Variants in COL23A1 observed in about 807,000 individuals in gnomAD.
The protein encoded by COL23A1 is collagen type XXIII alpha 1 chain, also known as collagen alpha-1(XXIII) chain.
Under a neutral mutation model 99.3 loss-of-function variants are expected in COL23A1, and 97 were observed. The observed-to-expected ratio is 0.98, with a 90% confidence interval of 0.83 to 1.16. COL23A1 has a LOEUF of 1.16. Ranked by LOEUF, COL23A1 falls within the 50% of genes most tolerant of loss-of-function variation. The probability of loss-of-function intolerance (pLI) is 0.00; values close to 1 mark genes in which losing one functional copy is unlikely to be tolerated. For synonymous variants in COL23A1, 320 were observed against 308.2 expected, an observed-to-expected ratio of 1.04 and a Z score of -0.40; for missense variants, 762 against 757.4, an observed-to-expected ratio of 1.01 and a Z score of -0.07.
At chr5:178,446,813 G>C (rs1253408773) in intron 2 of COL23A1, among the ~76,000 whole-genome samples, 1 of 152,142 alleles carries the variant, frequency 6.6e-6, no homozygotes, top group Non-Finnish European at 1.5e-5. Flanking sequence ...TGAAAAATTA[G>C]AAGCTAACCA....
chr5:178,317,620 T>C (rs576441175), intron 2 of COL23A1, among the ~76,000 whole-genome samples: 1 of 152,380 alleles, frequency 6.6e-6, no homozygotes, highest in East Asian at 1.9e-4. Context: ...GTTTTTCTTA[T>C]GTAAACATGG....
chr5:178,583,345 A>G (rs945437506), intron 1 of COL23A1, among the ~76,000 whole-genome samples: 2 of 152,114 alleles, frequency 1.3e-5, no homozygotes, highest in Admixed American at 6.5e-5. Flanking sequence ...TTCTCACCCT[A>G]TTCCTTGGAT....
At chr5:178,440,250 C>T (rs1766788316) in intron 2 of COL23A1, among the ~76,000 whole-genome samples, 1 of 152,200 alleles carries the variant, frequency 6.6e-6, no homozygotes, top group Admixed American at 6.5e-5. Context: ...ATGTGCTCCA[C>T]CATCTGCAGA....
intron 2 of COL23A1, among the ~76,000 whole-genome samples, chr5:178,524,098 C>A (rs1760173816): frequency 6.6e-6 from 1 of 152,304 alleles, no homozygotes; most frequent in African/African-American, 2.4e-5. Context: ...GAACCTGGGT[C>A]ACGCTAGCTT....
At chr5:178,371,088 G>A (rs557609662) in intron 2 of COL23A1, among the ~76,000 whole-genome samples, 2 of 152,274 alleles carry the variant, frequency 1.3e-5, no homozygotes, top group Admixed American at 6.5e-5. Flanking sequence ...TGAGGTTGAC[G>A]TCTCTCTCTG....
In COL23A1 at chr5:178,310,489, C is replaced by G. The variant is rs183148033; in HGVS notation, c.362-3570G>C. 6.6e-6 allele frequency among the ~76,000 whole-genome samples: 1 copy of G among 152,216 alleles called. No individual in the cohort carries two copies. The highest frequency in any genetic ancestry group is 1.5e-5 in the Non-Finnish European group (1 of 68,028). On this transcript the variant is annotated intron_variant, in intron 2 of 28. Transcript: ENST00000390654. This position sits in a 1 kb window ranked among gnomAD's most constrained non-coding sequence, Gnocchi z 4.3. ...GTCCTCTGAAGAAGGTGCTAGTGTT[C>G]CCTGCACAGATGAGAACTCTGGGGC...
chr5:178,486,022 C>T (rs1358517078), intron 2 of COL23A1, among the ~76,000 whole-genome samples: 1 of 152,136 alleles, frequency 6.6e-6, no homozygotes, highest in Non-Finnish European at 1.5e-5. Flanking sequence ...GACTTCTGCC[C>T]TCAACTGATG....
intron 1 of COL23A1, among the ~76,000 whole-genome samples, chr5:178,571,279 T>A (rs929599915): frequency 1.3e-5 from 2 of 151,962 alleles, no homozygotes; most frequent in African/African-American, 4.8e-5. Flanking sequence ...GGAGAATCGC[T>A]TGAACCCGGG....
Position 178,590,272 on chromosome 5 carries a change from C to A in COL23A1, c.-75G>T. The A allele has an allele frequency of 3.5e-6, 4 of 1,154,228 alleles. No homozygotes were observed. Among genetic ancestry groups the A allele is most frequent in the Non-Finnish European group, 4.3e-6 (4 of 932,924 alleles). The allele number at this position is 1,154,228 out of a possible 1,614,324, so 71.5% of individuals were successfully genotyped here. A position where few individuals can be genotyped will look rare whatever the true frequency, so the allele number is the denominator to read the frequency against. On this transcript the variant is annotated 5_prime_UTR_variant, in exon 1 of 29. Transcript: ENST00000390654. The surrounding 1 kb of genome is among the most constrained non-coding windows in gnomAD (Gnocchi z 5.7). ...AGAGGCTGGGTGCGAGAGGAGCAGG[C>A]GGGACAGCCCGAGGCACGAGGTCCG... is the stretch of plus-strand genomic sequence containing the variant.
chr5:178,581,537 G>A (rs1459132230), intron 1 of COL23A1, among the ~76,000 whole-genome samples: 3 of 149,608 alleles, frequency 2.0e-5, no homozygotes, highest in Admixed American at 6.7e-5. Context: ...CTGCACTCCA[G>A]CCTGGGCGAC....
chr5:178,278,668 G>A (rs1336553411), intron 5 of COL23A1, among the ~76,000 whole-genome samples: 2 of 151,600 alleles, frequency 1.3e-5, no homozygotes, highest in African/African-American at 4.8e-5. Flanking sequence ...CCTCCGCCAG[G>A]CCCCCTACCT....
Position 178,283,841 on chromosome 5 carries a change from T to C in COL23A1, c.441+4483A>G, listed in dbSNP as rs76599590. 6.5e-3 allele frequency among the ~76,000 whole-genome samples: 991 copies of C among 152,344 alleles called. 13 individuals carry two copies. The highest frequency in any genetic ancestry group is 0.023 in the African/African-American group (943 of 41,576). On this transcript the variant is annotated intron_variant, in intron 5 of 28. Transcript: ENST00000390654. ...GAAAAAGCGCTCATGATAAACAAGA[T>C]ACCTCCGGGAAGATGACATTGAGCT...
intron 12 of COL23A1, among the ~76,000 whole-genome samples, chr5:178,257,773 C>T (rs1014072115): frequency 1.3e-5 from 2 of 152,260 alleles, no homozygotes; most frequent in Non-Finnish European, 2.9e-5. Context: ...CCCACCAGCC[C>T]AGGGCTGGCA....
At chr5:178,385,743 A>G (rs1763638701) in intron 2 of COL23A1, among the ~76,000 whole-genome samples, 1 of 152,240 alleles carries the variant, frequency 6.6e-6, no homozygotes, top group Admixed American at 6.5e-5. Flanking sequence ...GGAAACACCC[A>G]ATCCAAAGAG....
rs536582262 is a variant in COL23A1, at chr5:178,358,591, GTA to G, written c.362-51674_362-51673del. ...GTCTAATGTGTATGTGTATGTGTGT[GTA>G]TGTGTATGTGTGTATGCGTGTATGT... On this transcript the variant is annotated intron_variant, in intron 2 of 28. Transcript: ENST00000390654. Among the ~76,000 whole-genome samples the G allele has an allele frequency of 6.1e-3, 918 of 149,808 alleles. 6 individuals carry two copies. Among genetic ancestry groups the G allele is most frequent in the African/African-American group, 0.021 (868 of 40,532 alleles).
At chr5:178,534,815 C>T (rs1295406474) in intron 2 of COL23A1, among the ~76,000 whole-genome samples, 2 of 152,086 alleles carry the variant, frequency 1.3e-5, no homozygotes, top group Non-Finnish European at 1.5e-5. Context: ...GCACAGAGCA[C>T]ATGTGCACGA....
intron 2 of COL23A1, among the ~76,000 whole-genome samples, chr5:178,327,538 C>T (rs78388121): frequency 0.021 from 3,134 of 152,232 alleles, 39 homozygotes; most frequent in South Asian, 0.049. Context: ...GGTTCAGACT[C>T]GCCACTCCCT....
chr5:178,497,352 CAT>C lies in COL23A1; in HGVS notation c.361+63328_361+63329del, dbSNP rs1758250160. Among the ~76,000 whole-genome samples, 6 of 152,180 alleles carry C rather than the reference CAT, an allele frequency of 3.9e-5. No homozygotes were observed. The South Asian group carries it at 1.2e-3, about 31-fold the overall frequency. On this transcript the variant is annotated intron_variant, in intron 2 of 28. Coordinates refer to ENST00000390654, the MANE Select transcript of COL23A1 (RefSeq NM_173465.4). ...TGCATCAAGATCCTCAGAAATGGCT[CAT>C]ATAGTTCCACAGCAGTGTATCCCCA...
intron 2 of COL23A1, among the ~76,000 whole-genome samples, chr5:178,358,540 ATGTG>A (rs796750660): frequency 3.0e-4 from 33 of 110,016 alleles, no homozygotes; most frequent in Admixed American, 9.1e-4. Context: ...TAGTGTGTGT[ATGTG>A]TGTGTATGTG....
Sources: allele counts gnomAD v4.1 joint callset (sites outside exome capture counted in the v4.1 genomes callset), GRCh38; gene constraint gnomAD v4.1.1; non-coding constraint Gnocchi (gnomAD v3.1); transcripts MANE v1.5; gene names NCBI Gene and HGNC (gene_info 2026-07-23, HGNC 2026-07-21).